Variants in C12orf42 observed in about 807,000 individuals in gnomAD.
The protein encoded by C12orf42 is chromosome 12 open reading frame 42.
C12orf42 carries 25 observed loss-of-function variants against 21.6 expected under a neutral mutation model. The ratio of observed to expected loss-of-function variants is 1.16; its 90% confidence interval spans 0.84 to 1.62. The LOEUF (loss-of-function observed/expected upper bound fraction) is 1.62. Ranked by LOEUF, C12orf42 falls within the 40% of genes most tolerant of loss-of-function variation. The probability of loss-of-function intolerance (pLI) is 0.00; values close to 1 mark genes in which losing one functional copy is unlikely to be tolerated. For synonymous variants in C12orf42, 174 were observed against 175.0 expected (o/e 0.99, Z 0.05); for missense variants, 483 against 459.3 (o/e 1.05, Z -0.47).
intron 4 of C12orf42, among the ~76,000 whole-genome samples, chr12:103,322,637 C>T (rs192526334): frequency 2.0e-5 from 3 of 152,178 alleles, no homozygotes; most frequent in East Asian, 1.9e-4. Context: ...AGATAGATCT[C>T]GGTAATGTCT....
intron 4 of C12orf42, among the ~76,000 whole-genome samples, chr12:103,295,842 AC>A (rs963600186): frequency 2.0e-5 from 3 of 152,074 alleles, no homozygotes; most frequent in African/African-American, 4.8e-5. Flanking sequence ...AGTAAAAAAA[AC>A]ATGTAATCCC....
chr12:103,350,754 C>T (rs1205580269), intron 4 of C12orf42, among the ~76,000 whole-genome samples: 2 of 152,138 alleles, frequency 1.3e-5, no homozygotes, highest in Admixed American at 1.3e-4. Context: ...TATTGTCCCA[C>T]ACATCCTTGA....
intron 10 of C12orf42, among the ~76,000 whole-genome samples, chr12:103,257,338 T>A (rs774953224): frequency 1.7e-4 from 26 of 152,122 alleles, no homozygotes; most frequent in Non-Finnish European, 3.7e-4. Context: ...AACTTGCACA[T>A]ATACCCCTGA....
chr12:103,097,144 T>C, the C12orf42 span, among the ~76,000 whole-genome samples: 3 of 152,200 alleles, frequency 2.0e-5, no homozygotes, highest in Admixed American at 6.5e-5. Flanking sequence ...AGATATATAT[T>C]GAAAATAACT....
At chr12:103,522,265 G>A in the C12orf42 span, among the ~76,000 whole-genome samples, 4 of 152,062 alleles carry the variant, frequency 2.6e-5, no homozygotes, top group Non-Finnish European at 5.9e-5. Context: ...GTAAGGCATC[G>A]GTTGTTCTTC....
chr12:103,088,402 T>C, the C12orf42 span, among the ~76,000 whole-genome samples: 2 of 152,226 alleles, frequency 1.3e-5, no homozygotes, highest in Admixed American at 6.5e-5. Flanking sequence ...AAGACACTTA[T>C]GGGACAGTTG....
chr12:103,077,118 T>C, the C12orf42 span, among the ~76,000 whole-genome samples: 1 of 152,206 alleles, frequency 6.6e-6, no homozygotes. Context: ...ACCAAATTAT[T>C]AAGGTTAATA....
At chr12:103,196,989 T>A in the C12orf42 span, among the ~76,000 whole-genome samples, 1 of 152,188 alleles carries the variant, frequency 6.6e-6, no homozygotes, top group Admixed American at 6.5e-5. Flanking sequence ...TAGACTTAAT[T>A]GTATAGTTGA....
At chr12:103,277,918 G>A (rs1332285577) in intron 4 of C12orf42, among the ~76,000 whole-genome samples, 1 of 151,998 alleles carries the variant, frequency 6.6e-6, no homozygotes, top group Admixed American at 6.6e-5. Context: ...TGCACCCGAT[G>A]AGCACAATTT....
At chr12:103,507,144 T>C in the C12orf42 span, among the ~76,000 whole-genome samples, 1 of 21,796 alleles carries the variant, frequency 4.6e-5, no homozygotes, top group South Asian at 1.9e-3. Context: ...ATTATATATA[T>C]AATATAAATA....
the C12orf42 span, among the ~76,000 whole-genome samples, chr12:103,050,988 C>T: frequency 5.3e-5 from 8 of 152,216 alleles, no homozygotes; most frequent in South Asian, 2.1e-4. Flanking sequence ...CATTCCTAAA[C>T]GGCCCATTTA....
At chr12:103,252,217 A>C (rs1008450828) in intron 10 of C12orf42, among the ~76,000 whole-genome samples, 12 of 152,172 alleles carry the variant, frequency 7.9e-5, no homozygotes, top group African/African-American at 2.9e-4. Context: ...GGTAGGTTCC[A>C]AGTCCTTGAT....
At chr12:103,111,464 G>A in the C12orf42 span, among the ~76,000 whole-genome samples, 4 of 152,082 alleles carry the variant, frequency 2.6e-5, no homozygotes, top group Non-Finnish European at 5.9e-5. Context: ...TCATTGATTC[G>A]ATGAATATTA....
intron 6 of C12orf42, among the ~76,000 whole-genome samples, chr12:103,269,523 G>C (rs562548235): frequency 6.6e-6 from 1 of 152,220 alleles, no homozygotes; most frequent in South Asian, 2.1e-4. Flanking sequence ...CAGGTTGACT[G>C]TTCTGTTATC....
intron 4 of C12orf42, among the ~76,000 whole-genome samples, chr12:103,346,472 G>GTA (rs1247931294): frequency 6.6e-6 from 1 of 152,120 alleles, no homozygotes; most frequent in Non-Finnish European, 1.5e-5. Context: ...ACCAGCACAG[G>GTA]TATATACTGT....
intron 4 of C12orf42, among the ~76,000 whole-genome samples, chr12:103,350,536 C>A (rs2043019550): frequency 6.6e-6 from 1 of 151,994 alleles, no homozygotes; most frequent in Non-Finnish European, 1.5e-5. Context: ...TCTTACTGTG[C>A]CTAATTTATA....
chr12:103,339,608 T>C (rs563665837), intron 4 of C12orf42, among the ~76,000 whole-genome samples: 288 of 152,312 alleles, frequency 1.9e-3, no homozygotes, highest in African/African-American at 6.4e-3. Context: ...ACATCACTGA[T>C]CATTAGAGAA....
the C12orf42 span, chr12:103,164,843 G>T: frequency 2.5e-6 from 1 of 404,486 alleles, no homozygotes; most frequent in Non-Finnish European, 5.0e-6. Flanking sequence ...CAACCCATGT[G>T]TATCAGTATA....
chr12:103,468,512 G>T (rs1953322635), intron 2 of C12orf42, among the ~76,000 whole-genome samples: 1 of 152,182 alleles, frequency 6.6e-6, no homozygotes, highest in African/African-American at 2.4e-5. Context: ...GCCTGTAGTT[G>T]TTTCCAGAAT....
Sources: gnomAD v4.1 joint callset for allele counts (sites outside exome capture counted in the v4.1 genomes callset) on GRCh38, gnomAD v4.1.1 for gene constraint, MANE v1.5 for transcripts, NCBI Gene and HGNC (gene_info 2026-07-23, HGNC 2026-07-21) for gene names.